Variants in TMEFF2 observed in about 807,000 individuals in gnomAD.
TMEFF2 encodes tomoregulin-2.
In TMEFF2, 28 loss-of-function variants were observed where a neutral mutation model predicts 53.8. That is an observed-to-expected ratio of 0.52 (90% CI 0.39 to 0.71). The LOEUF (loss-of-function observed/expected upper bound fraction) is 0.71. Among genes scored for constraint, TMEFF2 ranks in the 30% least tolerant of loss-of-function variants. TMEFF2 has a pLI of 0.00. For missense variants in TMEFF2, 353 were observed against 455.2 expected (o/e 0.78, Z 2.04); for synonymous variants, 162 against 166.3 (o/e 0.97, Z 0.20).
chr2:192,079,379 C>A (rs779565817), intron 4 of TMEFF2, among the ~76,000 whole-genome samples: 17 of 152,194 alleles, frequency 1.1e-4, no homozygotes, highest in Admixed American at 6.5e-5. Flanking sequence ...AATTTTGCTT[C>A]TTCCTCGTTT....
intron 7 of TMEFF2, among the ~76,000 whole-genome samples, chr2:191,978,264 C>A (rs573265576): frequency 6.6e-6 from 1 of 152,094 alleles, no homozygotes; most frequent in Non-Finnish European, 1.5e-5. Flanking sequence ...GGAAAGCGAT[C>A]GGCCAGCTTT....
chr2:192,096,088 G>A (rs1688896081), intron 4 of TMEFF2, among the ~76,000 whole-genome samples: 1 of 152,106 alleles, frequency 6.6e-6, no homozygotes, highest in Non-Finnish European at 1.5e-5. Flanking sequence ...TTACTGGCAG[G>A]AAAATGGCAT....
intron 7 of TMEFF2, among the ~76,000 whole-genome samples, chr2:191,967,594 C>T (rs187503138): frequency 8.5e-5 from 13 of 152,204 alleles, no homozygotes; most frequent in East Asian, 3.9e-4. Context: ...GTGATTCTGA[C>T]GTGCAAATAG....
intron 9 of TMEFF2, among the ~76,000 whole-genome samples, chr2:191,953,448 A>C (rs1691949743): frequency 6.6e-6 from 1 of 152,228 alleles, no homozygotes; most frequent in Non-Finnish European, 1.5e-5. Flanking sequence ...AGCAGGTAAA[A>C]AAAACAATCT....
intron 4 of TMEFF2, among the ~76,000 whole-genome samples, chr2:192,074,635 A>C (rs1437483046): frequency 6.6e-6 from 1 of 152,006 alleles, no homozygotes; most frequent in Non-Finnish European, 1.5e-5. Context: ...ATTAAATAAA[A>C]TTAAAAATCC....
chr2:192,018,328 C>T (rs973383876), intron 5 of TMEFF2, among the ~76,000 whole-genome samples: 7 of 152,162 alleles, frequency 4.6e-5, no homozygotes, highest in Non-Finnish European at 8.8e-5. Context: ...AGGGCTTCAA[C>T]GTTTCCTCTT....
At chr2:192,185,673 A>C (rs1691293601) in intron 2 of TMEFF2, among the ~76,000 whole-genome samples, 1 of 152,106 alleles carries the variant, frequency 6.6e-6, no homozygotes, top group Admixed American at 6.6e-5. Flanking sequence ...ACCTCTCAAC[A>C]TGTTGATAAT....
In TMEFF2 at chr2:192,184,763, T is replaced by C. The variant is rs185835386; in HGVS notation, c.283-280A>G. ...CTGGACAAGTAGCACAATAAAGATA[T>C]AGGAATAAATATATTAATGCTACTT... On this transcript the variant is annotated intron_variant, in intron 2 of 9. Transcript: ENST00000272771. Among the ~76,000 whole-genome samples, 12 of 152,172 alleles carry C rather than the reference T, an allele frequency of 7.9e-5. No individual in the cohort carries two copies. The East Asian group carries it at 2.3e-3, about 29-fold the overall frequency.
At chr2:191,979,842 CTCTA>C (rs945433067) in intron 7 of TMEFF2, among the ~76,000 whole-genome samples, 33 of 147,344 alleles carry the variant, frequency 2.2e-4, no homozygotes, top group African/African-American at 5.6e-4. Context: ...CTATATATAT[CTCTA>C]TCTATCTATC....
intron 4 of TMEFF2, among the ~76,000 whole-genome samples, chr2:192,082,216 T>C (rs1688570784): frequency 6.6e-6 from 1 of 152,202 alleles, no homozygotes; most frequent in African/African-American, 2.4e-5. Context: ...CTGGAGTTTT[T>C]TTAAATCAAG....
chr2:191,988,489 G>A (rs1007219303), intron 7 of TMEFF2, among the ~76,000 whole-genome samples: 9 of 152,142 alleles, frequency 5.9e-5, no homozygotes, highest in African/African-American at 2.2e-4. Flanking sequence ...TACACGAACA[G>A]CCAATCTGCA....
intron 4 of TMEFF2, among the ~76,000 whole-genome samples, chr2:192,172,163 A>G (rs1690931917): frequency 6.6e-6 from 1 of 151,088 alleles, no homozygotes; most frequent in Non-Finnish European, 1.5e-5. Context: ...CAACTCATAA[A>G]GGCCATCCCA....
At chr2:192,112,713 T>C (rs1463931509) in intron 4 of TMEFF2, among the ~76,000 whole-genome samples, 2 of 152,178 alleles carry the variant, frequency 1.3e-5, no homozygotes, top group East Asian at 3.9e-4. Flanking sequence ...AAATCTCATC[T>C]TGAATTGTAC....
At chr2:192,151,576 C>A (rs1038014925) in intron 4 of TMEFF2, among the ~76,000 whole-genome samples, 2 of 151,790 alleles carry the variant, frequency 1.3e-5, no homozygotes, top group African/African-American at 4.8e-5. Context: ...TAACCAGTGA[C>A]TATCAAGAGC....
At chr2:192,003,065 T>G (rs553827313) in intron 5 of TMEFF2, among the ~76,000 whole-genome samples, 1 of 152,316 alleles carries the variant, frequency 6.6e-6, no homozygotes, top group South Asian at 2.1e-4. Flanking sequence ...GATCTCTATT[T>G]GCAGTGATTG....
At chr2:192,059,703 CTAA>C (rs906972392) in intron 4 of TMEFF2, among the ~76,000 whole-genome samples, 3 of 151,976 alleles carry the variant, frequency 2.0e-5, no homozygotes, top group African/African-American at 4.8e-5. Flanking sequence ...CTCAGCAGGA[CTAA>C]TAATAATATT....
intron 5 of TMEFF2, among the ~76,000 whole-genome samples, chr2:192,056,397 G>T (rs988263158): frequency 1.3e-5 from 2 of 151,822 alleles, no homozygotes; most frequent in Admixed American, 1.3e-4. Context: ...AAGTGGAAGA[G>T]GAAGAAGAGG....
At chr2:192,066,108 T>C (rs1400034147) in intron 4 of TMEFF2, among the ~76,000 whole-genome samples, 4 of 151,786 alleles carry the variant, frequency 2.6e-5, no homozygotes, top group African/African-American at 9.7e-5. Context: ...GAAAACACTT[T>C]CCTTTTTTTT....
At chr2:192,150,638 G>C (rs1690361984) in intron 4 of TMEFF2, among the ~76,000 whole-genome samples, 1 of 150,786 alleles carries the variant, frequency 6.6e-6, no homozygotes, top group Non-Finnish European at 1.5e-5. Context: ...TCATACTTGA[G>C]GCATCAAGAG....
Sources: gnomAD v4.1 joint callset for allele counts (sites outside exome capture counted in the v4.1 genomes callset) on GRCh38, gnomAD v4.1.1 for gene constraint, MANE v1.5 for transcripts, NCBI Gene and HGNC (gene_info 2026-07-23, HGNC 2026-07-21) for gene names.